The following CTNNA2 variants were observed in gnomAD, a reference collection of about 807,000 sequenced individuals.
CTNNA2 encodes the protein catenin alpha-2.
In CTNNA2, 42 loss-of-function variants were observed where a neutral mutation model predicts 101.0. That is an observed-to-expected ratio of 0.42 (90% confidence interval 0.32 to 0.54). CTNNA2 has a LOEUF of 0.54. Among genes scored for constraint, CTNNA2 ranks in the 20% least tolerant of loss-of-function variants. The pLI is 0.14. For synonymous variants in CTNNA2, 450 were observed against 456.4 expected, an observed-to-expected ratio of 0.99 and a Z score of 0.18; for missense variants, 871 against 1,223.1, an observed-to-expected ratio of 0.71 and a Z score of 4.29.
intron 7 of CTNNA2, among the ~76,000 whole-genome samples, chr2:80,056,850 C>T (rs1362233820): frequency 6.6e-6 from 1 of 152,136 alleles, no homozygotes; most frequent in East Asian, 1.9e-4. Context: ...GGAACTTCAC[C>T]AACTCTGGCA....
intron 3 of CTNNA2, among the ~76,000 whole-genome samples, chr2:79,818,610 C>T (rs545224684): frequency 1.3e-5 from 2 of 151,868 alleles, no homozygotes; most frequent in East Asian, 2.0e-4. Context: ...CCACCAAGCC[C>T]GGCCTGTGAT....
intron 4 of CTNNA2, among the ~76,000 whole-genome samples, chr2:79,394,968 G>A (rs1678213854): frequency 6.6e-6 from 1 of 152,022 alleles, no homozygotes; most frequent in Non-Finnish European, 1.5e-5. Flanking sequence ...TTGGGTTTGT[G>A]CAAACCCATG....
chr2:80,575,983 C>A (rs988760229), intron 13 of CTNNA2, among the ~76,000 whole-genome samples: 8 of 152,106 alleles, frequency 5.3e-5, no homozygotes, highest in Non-Finnish European at 8.8e-5. Context: ...CTTCATTTTG[C>A]ACTTAAATAA....
chr2:80,396,415 C>T (rs1277116694), intron 8 of CTNNA2, among the ~76,000 whole-genome samples: 1 of 152,126 alleles, frequency 6.6e-6, no homozygotes, highest in Non-Finnish European at 1.5e-5. Context: ...GCTGTGGGCA[C>T]AGCAGGCCCT....
intron 7 of CTNNA2, among the ~76,000 whole-genome samples, chr2:79,948,249 T>C (rs756806052): frequency 1.3e-5 from 2 of 152,262 alleles, no homozygotes; most frequent in Non-Finnish European, 2.9e-5. Context: ...CAAAGGATGC[T>C]CACAGTACAT....
In CTNNA2 at chr2:80,191,402, G is replaced by A. The variant is rs999405372; in HGVS notation, c.1057-201809G>A. Among the ~76,000 whole-genome samples, 16 of 152,214 alleles carry A rather than the reference G, an allele frequency of 1.1e-4. 1 individual carries two copies. The South Asian group carries it at 3.3e-3, about 32-fold the overall frequency. On this transcript the variant is annotated intron_variant, in intron 7 of 18. Transcript: ENST00000402739. ...GAAGTATTTATTCAGTACTTGCTGT[G>A]TGCCAGAAGTGGTACTAAGGACTAG...
chr2:80,175,236 A>C (rs1705318298), intron 7 of CTNNA2, among the ~76,000 whole-genome samples: 1 of 152,156 alleles, frequency 6.6e-6, no homozygotes, highest in Non-Finnish European at 1.5e-5. Flanking sequence ...CACTCTATCC[A>C]GCTCAAATGC....
chr2:79,311,477 G>C (rs1422708613), intron 2 of CTNNA2, among the ~76,000 whole-genome samples: 1 of 150,446 alleles, frequency 6.6e-6, no homozygotes, highest in African/African-American at 2.5e-5. Flanking sequence ...TGGTGCTAAT[G>C]CTCTACAATC....
intron 1 of CTNNA2, among the ~76,000 whole-genome samples, chr2:79,622,837 A>G (rs1679081897): frequency 6.6e-6 from 1 of 152,164 alleles, no homozygotes; most frequent in South Asian, 2.1e-4. Flanking sequence ...CCGAGTCTGT[A>G]GGGGATATTT....
intron 7 of CTNNA2, among the ~76,000 whole-genome samples, chr2:80,207,354 A>G (rs1249880530): frequency 3.3e-5 from 5 of 152,170 alleles, no homozygotes; most frequent in African/African-American, 1.2e-4. Context: ...TCCTTGCTAG[A>G]AAGTTTGAAT....
At chr2:79,955,199 A>G (rs973697284) in intron 7 of CTNNA2, among the ~76,000 whole-genome samples, 2 of 152,148 alleles carry the variant, frequency 1.3e-5, no homozygotes, top group African/African-American at 4.8e-5. Flanking sequence ...AGATCTCTTC[A>G]TCTTGATAAA....
intron 1 of CTNNA2, among the ~76,000 whole-genome samples, chr2:79,607,716 T>C (rs1027833469): frequency 1.3e-5 from 2 of 152,120 alleles, no homozygotes; most frequent in Non-Finnish European, 2.9e-5. Context: ...ATGTTTTAAG[T>C]TGAATGAAAA....
intron 7 of CTNNA2, among the ~76,000 whole-genome samples, chr2:80,087,263 A>G (rs1699501478): frequency 6.6e-6 from 1 of 152,074 alleles, no homozygotes; most frequent in Admixed American, 6.6e-5. Context: ...AATAAAACTG[A>G]AAACCTAAGT....
intron 7 of CTNNA2, among the ~76,000 whole-genome samples, chr2:80,073,778 G>T (rs1188591026): frequency 1.0e-4 from 13 of 125,732 alleles, no homozygotes; most frequent in Non-Finnish European, 2.1e-4. Context: ...ACACTTATAG[G>T]ATTGGGGTCA....
At chr2:79,212,378 C>G (rs1674187102) in intron 2 of CTNNA2, among the ~76,000 whole-genome samples, 1 of 152,180 alleles carries the variant, frequency 6.6e-6, no homozygotes, top group South Asian at 2.1e-4. Flanking sequence ...AGCGTCTATA[C>G]AGGAGCTCAA....
intron 7 of CTNNA2, among the ~76,000 whole-genome samples, chr2:80,336,003 T>C (rs1671737667): frequency 1.3e-5 from 2 of 152,200 alleles, no homozygotes; most frequent in Non-Finnish European, 2.9e-5. Flanking sequence ...CATTTTATTA[T>C]GAAAACTTTT....
chr2:79,753,188 A>T (rs2861906), intron 3 of CTNNA2, among the ~76,000 whole-genome samples: 68,459 of 151,946 alleles, frequency 0.45, 16,739 homozygotes, highest in East Asian at 0.79. Flanking sequence ...TACTCCTTTC[A>T]TGGATGCTGC....
intron 7 of CTNNA2, among the ~76,000 whole-genome samples, chr2:80,179,144 G>A (rs984804936): frequency 1.3e-5 from 2 of 152,192 alleles, no homozygotes; most frequent in Admixed American, 1.3e-4. Context: ...AAAAGGAATG[G>A]CATTTGCCGA....
chr2:79,789,783 G>T lies in CTNNA2; in HGVS notation c.298+45201G>T, dbSNP rs1241999906. On this transcript the variant is annotated intron_variant, in intron 3 of 18. Transcript: ENST00000402739. ...TCCAGGGGCCCCTCATCAAGACTGT[G>T]ATGGTGAGAGGAGAGTCAAGACTTC... 2.6e-5 allele frequency among the ~76,000 whole-genome samples: 4 copies of T among 152,088 alleles called. No individual in the cohort carries two copies. In the East Asian group the frequency reaches 7.7e-4, roughly 29 times the overall value.
Sources: allele counts gnomAD v4.1 joint callset (sites outside exome capture counted in the v4.1 genomes callset), GRCh38; gene constraint gnomAD v4.1.1; transcripts MANE v1.5; gene names NCBI Gene and HGNC (gene_info 2026-07-23, HGNC 2026-07-21).